PLA2G15: variants seen among roughly 807,000 people sequenced by gnomAD.
The protein encoded by PLA2G15 is phospholipase A2 group XV.
Under a neutral mutation model 40.9 loss-of-function variants are expected in PLA2G15, and 20 were observed. The ratio of observed to expected loss-of-function variants is 0.49; its 90% CI spans 0.34 to 0.71. The LOEUF is 0.71. PLA2G15 is among the 30% of genes least tolerant of loss of function. The probability of loss-of-function intolerance (pLI) is 0.01; values close to 1 mark genes in which losing one functional copy is unlikely to be tolerated. For synonymous variants in PLA2G15, 223 were observed against 228.2 expected (o/e 0.98, Z 0.21); for missense variants, 471 against 541.9 (o/e 0.87, Z 1.30).
rs987930734 is a variant in PLA2G15, at chr16:68,260,876, G to A, written c.*1219G>A. ...GAGAAAAGGGTACAGCCTCTAGGTG[G>A]GGTTCCCAAAGACGCCTTCACGCTG... On this transcript the variant is annotated 3_prime_UTR_variant, in exon 6 of 6. Coordinates refer to ENST00000219345, the MANE Select transcript of PLA2G15 (RefSeq NM_012320.4). The A allele has an allele frequency of 2.0e-5, 3 of 152,346 alleles. No homozygotes were observed. Among genetic ancestry groups the A allele is most frequent in the African/African-American group, 7.2e-5 (3 of 41,466 alleles). The allele number at this position is 152,346 out of a possible 1,614,324, so 9.4% of individuals were successfully genotyped here. A position where few individuals can be genotyped will look rare whatever the true frequency, so the allele number is the denominator to read the frequency against.
In PLA2G15 at chr16:68,245,498, A is replaced by G; in HGVS notation, c.72A>G (p.Leu24=). 6.2e-7 allele frequency: 1 copy of G among 1,605,006 alleles called. No homozygotes were observed. Residue 24 remains leucine, a synonymous_variant, in exon 1 of 6, where the codon CTA becomes CTG. Transcript: ENST00000219345. Reference sequence around the variant, plus strand: ...GCCTCCTGTTCCTCTTGCTGCTGCTAATGCTGCTCGCGGACCCAGCGCTCC... The same window carrying G: ...GCCTCCTGTTCCTCTTGCTGCTGCTGATGCTGCTCGCGGACCCAGCGCTCC... ...PDGLLFLLLL[L]MLLADPALPA...
chr16:68,255,191 C>T lies in PLA2G15; in HGVS notation c.404-91C>T. 1 of 1,058,826 alleles carries T rather than the reference C, an allele frequency of 9.4e-7. No homozygotes were observed. Among genetic ancestry groups the T allele is most frequent in the East Asian group, 2.4e-5 (1 of 41,668 alleles). 65.6% of individuals were successfully genotyped at this position (1,058,826 alleles called of 1,614,324 possible). ...GAGCCCTGTAGCATTCTTCCAAGGA[C>T]CTGCTAGCTGTCACAGTCTCCATGC... is the stretch of plus-strand genomic sequence containing the variant. On this transcript the variant is annotated intron_variant, in intron 3 of 5. Coordinates refer to ENST00000219345, the MANE Select transcript of PLA2G15 (RefSeq NM_012320.4). The surrounding 1 kb of genome is among the most constrained non-coding windows in gnomAD (Gnocchi z 5.9).
In PLA2G15 at chr16:68,259,427, C is replaced by T. The variant is rs754337843; in HGVS notation, c.1009C>T (p.Pro337Ser). Residue 337 changes from proline to serine, a missense_variant, in exon 6 of 6, where the codon CCC becomes TCC. Physicochemically the swap from Pro to Ser is moderately conservative, Grantham distance 74. Coordinates refer to ENST00000219345, the MANE Select transcript of PLA2G15 (RefSeq NM_012320.4). The surrounding 1 kb of genome is among the most constrained non-coding windows in gnomAD (Gnocchi z 6.5). The part of the protein sequence containing the change: ...QLHCLYGTGV[P>S]TPDSFYYESF... ...GCACTGCCTCTATGGTACTGGCGTC[C>T]CCACACCAGACTCCTTCTACTATGA... 1.2e-6 allele frequency: 2 copies of T among 1,613,766 alleles called. No homozygotes were observed. The highest frequency in any genetic ancestry group is 1.7e-6 in the Non-Finnish European group (2 of 1,179,968).
At position 68,246,785 on chromosome 16, in the gene PLA2G15, G is replaced by C. The variant is rs114844719; in HGVS notation, c.127+1232G>C. The stretch of plus-strand genomic sequence containing the variant: ...TAGCTGGAGCTAAGGCCAGGAGAGA[G>C]TAATGGGTCGGGGAGAGACGTGAGC... On this transcript the variant is annotated intron_variant, in intron 1 of 5. Transcript: ENST00000219345. Among the ~76,000 whole-genome samples, 228 of 152,322 alleles carry C rather than the reference G, an allele frequency of 1.5e-3. 2 individuals are homozygous for C. The highest frequency in any genetic ancestry group is 5.1e-3 in the African/African-American group (214 of 41,570).
intron 2 of PLA2G15, among the ~76,000 whole-genome samples, chr16:68,250,550 C>T (rs957194769): frequency 5.9e-5 from 9 of 152,070 alleles, no homozygotes; most frequent in East Asian, 1.9e-4. Context: ...GGATTACAGG[C>T]GTGAGCCACC....
chr16:68,254,700 C>G (rs2042386287), intron 2 of PLA2G15: 2 of 464,052 alleles, frequency 4.3e-6, no homozygotes, highest in Admixed American at 7.7e-5. Context: ...GTTTCAAACT[C>G]CTGACCTCAA....
At chr16:68,247,420 G>T (rs1010612404) in intron 1 of PLA2G15, among the ~76,000 whole-genome samples, 1 of 152,192 alleles carries the variant, frequency 6.6e-6, no homozygotes, top group African/African-American at 2.4e-5. Context: ...GAGGTGAAAG[G>T]CATGTGGATG....
rs538166642 is a variant in PLA2G15 at position 68,245,593 on chromosome 16, G to A, written c.127+40G>A. The A allele has an allele frequency of 2.4e-5, 37 of 1,546,740 alleles. No individual in the cohort carries two copies. The East Asian group carries it at 8.7e-4, about 36-fold the overall frequency. On this transcript the variant is annotated intron_variant, in intron 1 of 5. Transcript: ENST00000219345. ...TCGTGGTGGATCTGTCGGTCGGGCG[G>A]GACGGGCCGCGGGCGGGGCTGCCTT... is the stretch of plus-strand genomic sequence containing the variant.
At chr16:68,253,445 C>T (rs189861873) in intron 2 of PLA2G15, 38 of 437,498 alleles carry the variant, frequency 8.7e-5, no homozygotes, top group African/African-American at 4.9e-4. Flanking sequence ...GGCGCAATCT[C>T]GGCTCACTAC....
intron 1 of PLA2G15, among the ~76,000 whole-genome samples, chr16:68,247,382 G>T (rs1290014318): frequency 6.6e-6 from 1 of 152,208 alleles, no homozygotes. Context: ...AGTGGAAATA[G>T]TAAGGCTGTC....
rs1448325580 is a variant in PLA2G15, at chr16:68,255,698, G to A, written c.503-68G>A. ...CCCCCTCTCGTCTTGTGTCTGGCCT[G>A]AGAAAAGCTCAGTGGTTCCGGCTCC... On this transcript the variant is annotated intron_variant, in intron 4 of 5. Transcript: ENST00000219345. This position sits in a 1 kb window ranked among gnomAD's most constrained non-coding sequence, Gnocchi z 5.9. 1 of 1,358,562 alleles carries A rather than the reference G, an allele frequency of 7.4e-7. No homozygotes were observed. The allele number at this position is 1,358,562 out of a possible 1,614,324, so 84.2% of individuals were successfully genotyped here. A position where few individuals can be genotyped will look rare whatever the true frequency, so the allele number is the denominator to read the frequency against.
At chr16:68,257,879 G>A (rs1215990284) in intron 5 of PLA2G15, among the ~76,000 whole-genome samples, 1 of 152,250 alleles carries the variant, frequency 6.6e-6, no homozygotes, top group Non-Finnish European at 1.5e-5. Flanking sequence ...CTGGGAAGCT[G>A]TTCTGTCCTG....
At chr16:68,258,080 G>T (rs533008560) in intron 5 of PLA2G15, among the ~76,000 whole-genome samples, 1 of 152,262 alleles carries the variant, frequency 6.6e-6, no homozygotes, top group Admixed American at 6.5e-5. Context: ...TCCTGAACAG[G>T]CCAGAGGCCC....
rs2042432170 is a variant in PLA2G15, at chr16:68,259,861, A to C, written c.*204A>C. 1.7e-6 allele frequency: 1 copy of C among 602,430 alleles called. No individual in the cohort carries two copies. Among genetic ancestry groups the C allele is most frequent in the Non-Finnish European group, 2.9e-6 (1 of 341,136 alleles). 37.3% of individuals were successfully genotyped at this position (602,430 alleles called of 1,614,324 possible). A position where few individuals can be genotyped will look rare whatever the true frequency, so the allele number is the denominator to read the frequency against. ...AAGGAAGAAATGAGAGTCTAGACTC[A>C]AGGGACACTGGATGGCAAGAATGCT... On this transcript the variant is annotated 3_prime_UTR_variant, in exon 6 of 6. Transcript: ENST00000219345. This position sits in a 1 kb window ranked among gnomAD's most constrained non-coding sequence, Gnocchi z 6.5.
chr16:68,255,566 C>G lies in PLA2G15; in HGVS notation c.502+186C>G. 2 of 639,800 alleles carry G rather than the reference C, an allele frequency of 3.1e-6. No homozygotes were observed. The highest frequency in any genetic ancestry group is 3.9e-5 in the South Asian group (2 of 51,438). The allele number at this position is 639,800 out of a possible 1,614,324, so 39.6% of individuals were successfully genotyped here. A position where few individuals can be genotyped will look rare whatever the true frequency, so the allele number is the denominator to read the frequency against. ...CTTATCCTGTCCTCCATTTCCCACC[C>G]TGGGACCTCTGGGCCTGTGAGCCCT... On this transcript the variant is annotated intron_variant, in intron 4 of 5. Coordinates refer to ENST00000219345, the MANE Select transcript of PLA2G15 (RefSeq NM_012320.4). The surrounding 1 kb of genome is among the most constrained non-coding windows in gnomAD (Gnocchi z 5.9).
At chr16:68,249,538 C>A in intron 2 of PLA2G15, 92 bp downstream of exon 2, 1 of 1,221,350 alleles carries the variant, frequency 8.2e-7, no homozygotes, top group Non-Finnish European at 1.2e-6. Context: ...ATCTCGAGGT[C>A]ACTGACCTCT....
At chr16:68,258,283 T>C (rs2042416957) in intron 5 of PLA2G15, among the ~76,000 whole-genome samples, 1 of 152,172 alleles carries the variant, frequency 6.6e-6, no homozygotes, top group African/African-American at 2.4e-5. Flanking sequence ...GGCTGAACGC[T>C]GGTCTGAGCT....
chr16:68,249,168 G>A, intron 1 of PLA2G15, 122 bp from the exon 2 acceptor site: 1 of 734,028 alleles, frequency 1.4e-6, no homozygotes, highest in South Asian at 1.8e-5. Flanking sequence ...TTGAGATGTG[G>A]AACTGCACAG....
In PLA2G15 at chr16:68,249,322, A is replaced by C. The variant is rs766363509; in HGVS notation, c.160A>C (p.Lys54Gln). 1.2e-6 allele frequency: 2 copies of C among 1,614,042 alleles called. No individual in the cohort carries two copies. The highest frequency in any genetic ancestry group is 1.7e-6 in the Non-Finnish European group (2 of 1,179,998). ...TGATTTGGGTAACCAACTGGAAGCC[A>C]AGCTGGACAAGCCGACAGTGGTGCA... ...PGDLGNQLEA[K>Q]LDKPTVVHYL... The change falls in exon 2 of 6, where the codon AAG (lysine) becomes CAG (glutamine). Residue 54 changes from lysine to glutamine, a missense_variant. Transcript: ENST00000219345.
Sources: gnomAD v4.1 joint callset for allele counts (sites outside exome capture counted in the v4.1 genomes callset) on GRCh38, gnomAD v4.1.1 for gene constraint, Gnocchi (gnomAD v3.1) non-coding constraint, MANE v1.5 for transcripts, NCBI Gene and HGNC (gene_info 2026-07-23, HGNC 2026-07-21) for gene names.